The following IMMP2L variants were observed in gnomAD, a reference collection of about 807,000 sequenced individuals.
IMMP2L encodes the protein inner mitochondrial membrane peptidase subunit 2, also known as mitochondrial inner membrane protease subunit 2.
In IMMP2L, 18 loss-of-function variants were observed where a neutral mutation model predicts 19.3. The ratio of observed to expected loss-of-function variants is 0.93; its 90% CI spans 0.64 to 1.38. IMMP2L has a LOEUF of 1.38. Among genes scored for constraint, IMMP2L ranks in the 40% most tolerant of loss-of-function variants. IMMP2L has a pLI of 0.00. For synonymous variants in IMMP2L, 76 were observed against 73.0 expected (o/e 1.04, Z -0.21); for missense variants, 233 against 218.2 (o/e 1.07, Z -0.43).
chr7:110,664,961 A>G (rs1791340415), intron 5 of IMMP2L: 1 of 152,330 alleles, frequency 6.6e-6, no homozygotes, highest in African/African-American at 2.4e-5. Context: ...TATGTATTCA[A>G]AAAAATCACA....
intron 3 of IMMP2L, among the ~76,000 whole-genome samples, chr7:111,194,090 G>C (rs1809201832): frequency 6.6e-6 from 1 of 152,146 alleles, no homozygotes; most frequent in South Asian, 2.1e-4. Flanking sequence ...ATGGCACAAA[G>C]TTTCTACAGC....
intron 3 of IMMP2L, among the ~76,000 whole-genome samples, chr7:111,097,846 G>C (rs1797567629): frequency 6.6e-6 from 1 of 151,576 alleles, no homozygotes; most frequent in Non-Finnish European, 1.5e-5. Flanking sequence ...TTCAATAGTT[G>C]CAGGAAATAA....
chr7:111,541,266 A>C (rs1848484842), intron 1 of IMMP2L, among the ~76,000 whole-genome samples: 1 of 152,168 alleles, frequency 6.6e-6, no homozygotes, highest in Non-Finnish European at 1.5e-5. Flanking sequence ...GACTTCTGCT[A>C]CAAGGTCAAC....
chr7:111,214,806 G>A lies in IMMP2L; in HGVS notation c.240-251241C>T, dbSNP rs1586866477. Among the ~76,000 whole-genome samples, 3 of 150,576 alleles carry A rather than the reference G, an allele frequency of 2.0e-5. No homozygotes were observed. The South Asian group carries it at 6.2e-4, about 31-fold the overall frequency. ...CATGTAAAAAAAAAAAAGAGAGAGA[G>A]ATAGAGATTAAAGTAGAACATTCAA... On this transcript the variant is annotated intron_variant, in intron 3 of 5. Transcript: ENST00000405709.
chr7:110,999,518 C>T (rs764650071), intron 3 of IMMP2L, among the ~76,000 whole-genome samples: 9 of 151,134 alleles, frequency 6.0e-5, no homozygotes, highest in Non-Finnish European at 1.2e-4. Flanking sequence ...TACTCTCTAG[C>T]TCACTAATGG....
chr7:111,446,119 A>C (rs1437444966), intron 3 of IMMP2L, among the ~76,000 whole-genome samples: 3 of 151,920 alleles, frequency 2.0e-5, no homozygotes, highest in South Asian at 2.1e-4. Flanking sequence ...AGGCGGCAGC[A>C]AGGCTGGGGG....
chr7:110,779,112 A>G (rs1799579037), intron 5 of IMMP2L, among the ~76,000 whole-genome samples: 1 of 151,926 alleles, frequency 6.6e-6, no homozygotes. Flanking sequence ...CAATCAAAAA[A>G]CTGAAAACTT....
chr7:111,317,815 T>G (rs755206288), intron 3 of IMMP2L, among the ~76,000 whole-genome samples: 2 of 152,198 alleles, frequency 1.3e-5, no homozygotes, highest in Non-Finnish European at 2.9e-5. Flanking sequence ...TTTCAAAGTC[T>G]GTGAATTTAA....
At chr7:111,009,948 A>G (rs1824755026) in intron 3 of IMMP2L, among the ~76,000 whole-genome samples, 1 of 152,124 alleles carries the variant, frequency 6.6e-6, no homozygotes, top group Admixed American at 6.6e-5. Context: ...GCCCTCATTT[A>G]CACAGGAAAT....
intron 2 of IMMP2L, among the ~76,000 whole-genome samples, chr7:111,491,387 G>A (rs1843086834): frequency 2.6e-5 from 4 of 152,076 alleles, no homozygotes; most frequent in Admixed American, 6.6e-5. Context: ...GTTCAAGAGT[G>A]AACTGCGCTA....
At chr7:111,349,625 T>A (rs531659628) in intron 3 of IMMP2L, among the ~76,000 whole-genome samples, 1 of 151,994 alleles carries the variant, frequency 6.6e-6, no homozygotes, top group Admixed American at 6.6e-5. Flanking sequence ...AGAATGCCTG[T>A]AGAGGAAGAA....
At chr7:111,466,515 T>C (rs1189385362) in intron 3 of IMMP2L, among the ~76,000 whole-genome samples, 1 of 152,148 alleles carries the variant, frequency 6.6e-6, no homozygotes, top group Admixed American at 6.5e-5. Flanking sequence ...TTAGCAGAAA[T>C]ATACCTCAGT....
intron 3 of IMMP2L, among the ~76,000 whole-genome samples, chr7:111,122,203 C>G (rs549246853): frequency 1.3e-4 from 20 of 150,460 alleles, no homozygotes; most frequent in African/African-American, 5.0e-4. Flanking sequence ...GCACATGTAC[C>G]CTAAAACTTA....
At chr7:110,852,875 G>T (rs772461131) in intron 5 of IMMP2L, among the ~76,000 whole-genome samples, 2 of 151,946 alleles carry the variant, frequency 1.3e-5, no homozygotes, top group Non-Finnish European at 2.9e-5. Flanking sequence ...GAGTGAAAAC[G>T]TCTTTTCATG....
chr7:111,204,935 C>G lies in IMMP2L; in HGVS notation c.240-241370G>C, dbSNP rs1562924256. On this transcript the variant is annotated intron_variant, in intron 3 of 5. Transcript: ENST00000405709. Reference sequence around the variant, plus strand: ...TCATCAATATATCAAACTTCATACACTATCTTAGTCCATTCCTCCTGCTAT... The same window carrying G: ...TCATCAATATATCAAACTTCATACAGTATCTTAGTCCATTCCTCCTGCTAT... 2.0e-5 allele frequency among the ~76,000 whole-genome samples: 3 copies of G among 152,182 alleles called. No homozygotes were observed. In the South Asian group the frequency reaches 6.2e-4, roughly 31 times the overall value.
At chr7:111,331,051 A>AT (rs1466655584) in intron 3 of IMMP2L, among the ~76,000 whole-genome samples, 1 of 151,954 alleles carries the variant, frequency 6.6e-6, no homozygotes, top group Non-Finnish European at 1.5e-5. Context: ...TAGAATTAGC[A>AT]TATGACCCAG....
intron 3 of IMMP2L, among the ~76,000 whole-genome samples, chr7:111,090,075 A>G (rs1175731017): frequency 1.3e-5 from 2 of 151,986 alleles, no homozygotes; most frequent in Non-Finnish European, 2.9e-5. Context: ...TGATATATTA[A>G]TCCTCATGTT....
At chr7:110,916,021 A>G (rs952013198) in intron 4 of IMMP2L, among the ~76,000 whole-genome samples, 1 of 152,220 alleles carries the variant, frequency 6.6e-6, no homozygotes, top group Non-Finnish European at 1.5e-5. Context: ...GCAAACTGAA[A>G]ACATGTTTAT....
chr7:111,212,576 A>C (rs1003221494), intron 3 of IMMP2L, among the ~76,000 whole-genome samples: 1 of 152,032 alleles, frequency 6.6e-6, no homozygotes, highest in Non-Finnish European at 1.5e-5. Flanking sequence ...ACACCACTGC[A>C]CTCCAGCCTA....
Sources: gnomAD v4.1 joint callset for allele counts (sites outside exome capture counted in the v4.1 genomes callset) on GRCh38, gnomAD v4.1.1 for gene constraint, MANE v1.5 for transcripts, NCBI Gene and HGNC (gene_info 2026-07-23, HGNC 2026-07-21) for gene names.